Variants in HMCES observed in about 807,000 individuals in gnomAD.
The protein encoded by HMCES is 5-hydroxymethylcytosine binding, ES cell specific, also known as abasic site processing protein HMCES.
A neutral mutation model predicts 35.1 loss-of-function variants in HMCES; 27 were observed. That is an observed-to-expected ratio of 0.77 (90% confidence interval 0.57 to 1.06). HMCES has a LOEUF of 1.06. Among genes scored for constraint, HMCES ranks in the 50% least tolerant of loss-of-function variants. HMCES has a pLI of 0.00. For missense variants in HMCES, 391 were observed against 430.4 expected, an observed-to-expected ratio of 0.91 and a Z score of 0.81; for synonymous variants, 130 against 154.7, an observed-to-expected ratio of 0.84 and a Z score of 1.18.
At chr3:129,283,785 G>A (rs1448345006) in intron 2 of HMCES, among the ~76,000 whole-genome samples, 3 of 152,096 alleles carry the variant, frequency 2.0e-5, no homozygotes, top group East Asian at 2.0e-4. Context: ...AGCCAAGATC[G>A]CGCCATTGCA....
At chr3:129,293,561 C>CTTTTTTT (rs60989412) in intron 4 of HMCES, among the ~76,000 whole-genome samples, 1 of 86,712 alleles carries the variant, frequency 1.2e-5, no homozygotes, top group Non-Finnish European at 2.3e-5. Context: ...TACATTAATT[C>CTTTTTTT]TTTTTTTTTT....
At chr3:129,301,864 A>G in intron 5 of HMCES, 86 bp from the exon 6 acceptor site, 4 of 1,048,796 alleles carry the variant, frequency 3.8e-6, no homozygotes, top group Non-Finnish European at 5.6e-6. Flanking sequence ...GTGATATTTG[A>G]GGTATCAGCT....
In HMCES at chr3:129,298,488, C is replaced by A; in HGVS notation, c.588C>A (p.Thr196=). The part of the protein sequence containing the change: ...PEGGDVLYSY[T]IITVDSCKGL... ...GAGGAGATGTCCTGTATTCCTATAC[C>A]ATCATCACAGTGGATTCCTGCAAAG... The change falls in exon 5 of 7, where the codon ACC becomes ACA. Residue 196 remains threonine (T), a synonymous_variant. Coordinates refer to ENST00000383463, the MANE Select transcript of HMCES (RefSeq NM_020187.3). 1 of 1,614,088 alleles carries A rather than the reference C, an allele frequency of 6.2e-7. No individual in the cohort carries two copies. Among genetic ancestry groups the A allele is most frequent in the East Asian group, 2.2e-5 (1 of 44,882 alleles).
Position 129,302,067 on chromosome 3 carries a change from A to G in HMCES, c.753A>G (p.Ala251=). 1.9e-6 allele frequency: 3 copies of G among 1,614,188 alleles called. No individual in the cohort carries two copies. The highest frequency in any genetic ancestry group is 2.5e-6 in the Non-Finnish European group (3 of 1,180,028). ...CAACAGAGAACATCACCTTCCATGC[A>G]GTCTCTTCTGTGGTGAACAACTCGC... ...IHPTENITFH[A]VSSVVNNSRN... The change falls in exon 6 of 7, where the codon GCA becomes GCG. Residue 251 remains alanine (A), a synonymous_variant. Coordinates refer to ENST00000383463, the MANE Select transcript of HMCES (RefSeq NM_020187.3).
chr3:129,295,444 A>G (rs1560076521), intron 4 of HMCES, among the ~76,000 whole-genome samples: 1 of 151,698 alleles, frequency 6.6e-6, no homozygotes, highest in South Asian at 2.1e-4. Flanking sequence ...CAAAAAAAAA[A>G]ACAAAAAAAA....
chr3:129,283,629 T>G (rs1364744057), intron 2 of HMCES, among the ~76,000 whole-genome samples: 1 of 151,978 alleles, frequency 6.6e-6, no homozygotes, highest in African/African-American at 2.4e-5. Flanking sequence ...TCGGGAGTTG[T>G]AGACCAGCCT....
Position 129,301,749 on chromosome 3 carries a change from A to C in HMCES, c.636-201A>C, listed in dbSNP as rs1272245779. Among the ~76,000 whole-genome samples the C allele has an allele frequency of 2.0e-5, 3 of 152,220 alleles. No individual in the cohort carries two copies. The East Asian group carries it at 5.8e-4, about 29-fold the overall frequency. ...CACTGTCTTTGCCATGAAACTTTAT[A>C]ACATGGCTCTCCAGGTGTTGAATCT... On this transcript the variant is annotated intron_variant, in intron 5 of 6. Coordinates refer to ENST00000383463, the MANE Select transcript of HMCES (RefSeq NM_020187.3).
intron 5 of HMCES, among the ~76,000 whole-genome samples, chr3:129,301,230 T>C (rs1398671308): frequency 4.0e-5 from 6 of 151,504 alleles, no homozygotes; most frequent in Non-Finnish European, 5.9e-5. Context: ...AAAATATGCT[T>C]TCATGTGATG....
chr3:129,296,310 C>T (rs540424272), intron 4 of HMCES, among the ~76,000 whole-genome samples: 4 of 152,338 alleles, frequency 2.6e-5, no homozygotes, highest in African/African-American at 9.6e-5. Context: ...ATCTGCCTGC[C>T]TTGGCCTCCC....
chr3:129,293,030 G>A (rs1352774105), intron 4 of HMCES, among the ~76,000 whole-genome samples: 1 of 152,146 alleles, frequency 6.6e-6, no homozygotes, highest in African/African-American at 2.4e-5. Flanking sequence ...GAAATGTGGT[G>A]GAAATTCAGG....
chr3:129,279,601 C>A lies in HMCES; in HGVS notation c.-23-109C>A. The A allele has an allele frequency of 9.1e-7, 1 of 1,093,844 alleles. No individual in the cohort carries two copies. The allele number at this position is 1,093,844 out of a possible 1,614,324, so 67.8% of individuals were successfully genotyped here. A position where few individuals can be genotyped will look rare whatever the true frequency, so the allele number is the denominator to read the frequency against. ...TTTGGGGAAGACTTTAGACGGTGGT[C>A]ACGGAGGGGCACGGCCCTGTGGGAA... is the stretch of plus-strand genomic sequence containing the variant. On this transcript the variant is annotated intron_variant, in intron 1 of 6. Transcript: ENST00000383463. This position sits in a 1 kb window ranked among gnomAD's most constrained non-coding sequence, Gnocchi z 4.2.
intron 2 of HMCES, among the ~76,000 whole-genome samples, chr3:129,285,747 C>T (rs1226005428): frequency 6.6e-6 from 1 of 151,226 alleles, no homozygotes; most frequent in Non-Finnish European, 1.5e-5. Flanking sequence ...GCGCCCGGCC[C>T]AGGATTTTTT....
chr3:129,281,019 C>T (rs529051062), intron 2 of HMCES, among the ~76,000 whole-genome samples: 3 of 151,644 alleles, frequency 2.0e-5, no homozygotes. Flanking sequence ...GTCAAGAGAT[C>T]GAGACCATCC....
intron 2 of HMCES, among the ~76,000 whole-genome samples, chr3:129,282,300 A>AC (rs1347355068): frequency 6.6e-6 from 1 of 151,674 alleles, no homozygotes; most frequent in African/African-American, 2.4e-5. Context: ...TTTAACAAAA[A>AC]AAAAAAAAAA....
intron 5 of HMCES, 76 bp downstream of exon 5, chr3:129,298,611 A>T: frequency 7.8e-7 from 1 of 1,282,634 alleles, no homozygotes; most frequent in Non-Finnish European, 1.1e-6. Context: ...GTAGCTTTAG[A>T]GAGTAGGAAA....
chr3:129,288,520 C>A (rs1206094647), intron 2 of HMCES, among the ~76,000 whole-genome samples: 2 of 151,238 alleles, frequency 1.3e-5, no homozygotes, highest in Admixed American at 6.6e-5. Flanking sequence ...CATAGCGAAA[C>A]CCCATCTCTA....
chr3:129,290,808 T>C lies in HMCES; in HGVS notation c.453+4T>C. On this transcript the variant is annotated splice_donor_region_variant and intron_variant, in intron 4 of 6. Transcript: ENST00000383463. ...TCCTCAAATCAAGACAGAGAAGGTA[T>C]CATTATCAGCATTCACAATATATAT... 1.2e-6 allele frequency: 2 copies of C among 1,611,728 alleles called. No homozygotes were observed. The highest frequency in any genetic ancestry group is 1.7e-6 in the Non-Finnish European group (2 of 1,178,258).
chr3:129,286,369 A>G (rs557660800), intron 2 of HMCES, among the ~76,000 whole-genome samples: 24 of 152,332 alleles, frequency 1.6e-4, no homozygotes, highest in African/African-American at 5.3e-4. Flanking sequence ...GGCCCTCACC[A>G]GACACCAAAT....
rs1466720154 is a variant in HMCES at position 129,304,989 on chromosome 3, G to A, written c.*164G>A. ...TTTTTGCCATGAGTAGGAGCCCCTA[G>A]TGGGGCTGGTGGACAGCTTTGGAAG... On this transcript the variant is annotated 3_prime_UTR_variant, in exon 7 of 7. Coordinates refer to ENST00000383463, the MANE Select transcript of HMCES (RefSeq NM_020187.3). 1 of 618,360 alleles carries A rather than the reference G, an allele frequency of 1.6e-6. No homozygotes were observed. The highest frequency in any genetic ancestry group is 2.9e-5 in the Admixed American group (1 of 34,478). 38.3% of individuals were successfully genotyped at this position (618,360 alleles called of 1,614,324 possible). A position where few individuals can be genotyped will look rare whatever the true frequency, so the allele number is the denominator to read the frequency against.
Sources: gnomAD v4.1 joint callset for allele counts (sites outside exome capture counted in the v4.1 genomes callset) on GRCh38, gnomAD v4.1.1 for gene constraint, Gnocchi (gnomAD v3.1) non-coding constraint, MANE v1.5 for transcripts, NCBI Gene and HGNC (gene_info 2026-07-23, HGNC 2026-07-21) for gene names.